Variants in FXR2 observed in about 807,000 individuals in gnomAD.
FXR2 encodes FMR1 autosomal homolog 2, also known as RNA-binding protein FXR2.
In FXR2, 9 loss-of-function variants were observed where a neutral mutation model predicts 87.3. That is an observed-to-expected ratio of 0.10 (90% CI 0.06 to 0.18). The LOEUF (loss-of-function observed/expected upper bound fraction) is 0.18. FXR2 is among the 10% of genes least tolerant of loss of function. FXR2 has a pLI of 1.00. For synonymous variants in FXR2, 331 were observed against 328.3 expected (o/e 1.01, Z -0.09); for missense variants, 661 against 893.6 (o/e 0.74, Z 3.32).
chr17:7,599,841 G>A (rs1017801570), intron 7 of FXR2, among the ~76,000 whole-genome samples: 8 of 152,092 alleles, frequency 5.3e-5, no homozygotes, highest in Non-Finnish European at 2.9e-5. Context: ...TAGCGCCACT[G>A]CGCTCTAGCC....
chr17:7,613,450 G>C lies in FXR2; in HGVS notation c.81+1002C>G, dbSNP rs556920450. Among the ~76,000 whole-genome samples the C allele has an allele frequency of 2.0e-5, 3 of 152,292 alleles. No individual in the cohort carries two copies. In the East Asian group the frequency reaches 5.8e-4, roughly 29 times the overall value. ...TGTCCTAGAAAATAGATTCAGAGCA[G>C]ATAAGGAAGGTGGTATTATAAGGAG... On this transcript the variant is annotated intron_variant, in intron 1 of 16. Coordinates refer to ENST00000250113, the MANE Select transcript of FXR2 (RefSeq NM_004860.4).
Position 7,594,017 on chromosome 17 carries a change from G to A in FXR2, c.1021-13C>T. 1 of 1,512,626 alleles carries A rather than the reference G, an allele frequency of 6.6e-7. No individual in the cohort carries two copies. The highest frequency in any genetic ancestry group is 9.2e-7 in the Non-Finnish European group (1 of 1,087,410). 93.7% of individuals were successfully genotyped at this position (1,512,626 alleles called of 1,614,324 possible). A position where few individuals can be genotyped will look rare whatever the true frequency, so the allele number is the denominator to read the frequency against. On this transcript the variant is annotated splice_polypyrimidine_tract_variant and intron_variant, in intron 10 of 16. Transcript: ENST00000250113. This position sits in a 1 kb window ranked among gnomAD's most constrained non-coding sequence, Gnocchi z 5.1. ...AGGGAACCATTCCCTAGAGAACAGA[G>A]AGCAGAAACGATGGATCAGAAAGGA...
chr17:7,592,512 C>T lies in FXR2; in HGVS notation c.1817G>A (p.Arg606His), dbSNP rs187810998. 7 of 1,613,536 alleles carry T rather than the reference C, an allele frequency of 4.3e-6. No homozygotes were observed. Among genetic ancestry groups the T allele is most frequent in the African/African-American group, 1.3e-5 (1 of 74,904 alleles). The change falls in exon 15 of 17, where the codon CGC (arginine) becomes CAC (histidine). Residue 606 changes from arginine (R) to histidine (H), a missense_variant. Arg to His is a conservative substitution (Grantham distance 29). Around this residue, in one of 3 missense-constraint regions of FXR2, gnomAD observed 409 missense variants for 432.0 expected, o/e 0.95. Coordinates refer to ENST00000250113, the MANE Select transcript of FXR2 (RefSeq NM_004860.4). This position sits in a 1 kb window ranked among gnomAD's most constrained non-coding sequence, Gnocchi z 4.8. ...NRTDGSISGD[R>H]QPVTVADYIS... Reference sequence around the variant, plus strand: ...GTCCAGAGTTGGCTGACCTGGCTGGCGGTCTCCACTGATAGAGCCATCAGT... The same window carrying T: ...GTCCAGAGTTGGCTGACCTGGCTGGTGGTCTCCACTGATAGAGCCATCAGT...
chr17:7,599,438 A>C (rs1055546332), intron 7 of FXR2, among the ~76,000 whole-genome samples: 2 of 152,242 alleles, frequency 1.3e-5, no homozygotes, highest in East Asian at 3.8e-4. Context: ...CAGGCACAGA[A>C]AAAAGCCTCC....
At position 7,593,571 on chromosome 17, in the gene FXR2, T is replaced by G; in HGVS notation, c.1162A>C (p.Ile388Leu). The G allele has an allele frequency of 6.3e-7, 1 of 1,598,152 alleles. No homozygotes were observed. Among genetic ancestry groups the G allele is most frequent in the South Asian group, 1.1e-5 (1 of 88,148 alleles). Residue 388 changes from isoleucine to leucine, a missense_variant, in exon 12 of 17, where the codon ATT (isoleucine) becomes CTT (leucine). Ile to Leu is a conservative substitution (Grantham distance 5). Around this residue, in one of 3 missense-constraint regions of FXR2, gnomAD observed 409 missense variants for 432.0 expected, o/e 0.95. Coordinates refer to ENST00000250113, the MANE Select transcript of FXR2 (RefSeq NM_004860.4). This position sits in a 1 kb window ranked among gnomAD's most constrained non-coding sequence, Gnocchi z 6.1. ...CCAGGAGGGCGAAAGCCCAGCCCAATCTGCCGAAGCTGCTCATCAATTTGT... is the reference window on the plus strand; with the variant it reads ...CCAGGAGGGCGAAAGCCCAGCCCAAGCTGCCGAAGCTGCTCATCAATTTGT... Reference protein sequence around the residue: ...RLQIDEQLRQIGLGFRPPGSG... With the variant: ...RLQIDEQLRQLGLGFRPPGSG...
intron 7 of FXR2, among the ~76,000 whole-genome samples, chr17:7,600,664 T>C (rs2071747619): frequency 6.6e-6 from 1 of 151,820 alleles, no homozygotes; most frequent in Admixed American, 6.6e-5. Flanking sequence ...GGCAGGTGGA[T>C]CATGAGGTCA....
At position 7,606,147 on chromosome 17, in the gene FXR2, G is replaced by A; in HGVS notation, c.84C>T (p.Gly28=). 1 of 1,540,128 alleles carries A rather than the reference G, an allele frequency of 6.5e-7. No homozygotes were observed. Residue 28 remains glycine, a splice_region_variant and synonymous_variant, in exon 2 of 17, where the codon GGC becomes GGT. Transcript: ENST00000250113. ...AGTCTTCATGGACATCCTTCACAAA[G>A]CCCTAGAATGGATTTTAGAAAAAAG... The part of the protein sequence containing the change: ...VRGSNGAFYK[G]FVKDVHEDSV...
At position 7,593,036 on chromosome 17, in the gene FXR2, G is replaced by C. The variant is rs747644712; in HGVS notation, c.1476C>G (p.Pro492=). The C allele has an allele frequency of 6.3e-7, 1 of 1,576,778 alleles. No homozygotes were observed. The highest frequency in any genetic ancestry group is 8.6e-7 in the Non-Finnish European group (1 of 1,164,784). Residue 492 remains proline, a synonymous_variant, in exon 13 of 17, where the codon CCC becomes CCG. Transcript: ENST00000250113. This position sits in a 1 kb window ranked among gnomAD's most constrained non-coding sequence, Gnocchi z 6.1. ...RRPTGGRGRG[P]PPAPRPTSRY... ...TCGAAGTGGGCCGGGGGGCAGGTGG[G>C]GGTCCCCTACCCCGGCCCCCAGTCG...
intron 7 of FXR2, among the ~76,000 whole-genome samples, chr17:7,600,214 T>C (rs927907809): frequency 3.3e-5 from 5 of 149,844 alleles, no homozygotes; most frequent in Non-Finnish European, 5.9e-5. Context: ...CTTTTTTTCT[T>C]TGAGACAGAG....
Position 7,612,996 on chromosome 17 carries a change from CAAAAAAAAAAA to C in FXR2, c.81+1445_81+1455del, listed in dbSNP as rs34323537. On this transcript the variant is annotated intron_variant, in intron 1 of 16. Transcript: ENST00000250113. ...TGGGCAACAGGGCGAGACTCCATCT[CAAAAAAAAAAA>C]AAAAAAAAAAAAAAATGACTACAAT... 1.6e-4 allele frequency among the ~76,000 whole-genome samples: 8 copies of C among 49,566 alleles called. No individual in the cohort carries two copies. The East Asian group carries it at 2.5e-3, about 15-fold the overall frequency. The allele number at this position is 49,566 out of a possible 152,430, so 32.5% of individuals were successfully genotyped here. A position where few individuals can be genotyped will look rare whatever the true frequency, so the allele number is the denominator to read the frequency against.
In FXR2 at chr17:7,609,955, C is replaced by CAT. The variant is rs57676268; in HGVS notation, c.82-3808_82-3807dup. On this transcript the variant is annotated intron_variant, in intron 1 of 16. Transcript: ENST00000250113. ...GTATATATATACATGTATATGTATA[C>CAT]ATATATATACATGTATATGTATACA... 3.6e-3 allele frequency among the ~76,000 whole-genome samples: 310 copies of CAT among 86,332 alleles called. 2 individuals are homozygous for CAT. The highest frequency in any genetic ancestry group is 0.013 in the East Asian group (30 of 2,248). The allele number at this position is 86,332 out of a possible 152,430, so 56.6% of individuals were successfully genotyped here. A position where few individuals can be genotyped will look rare whatever the true frequency, so the allele number is the denominator to read the frequency against.
Position 7,591,980 on chromosome 17 carries a change from C to A in FXR2, c.1927-55G>T. The A allele has an allele frequency of 8.0e-7, 1 of 1,253,744 alleles. No homozygotes were observed. The highest frequency in any genetic ancestry group is 1.3e-5 in the South Asian group (1 of 75,058). 77.7% of individuals were successfully genotyped at this position (1,253,744 alleles called of 1,614,324 possible). On this transcript the variant is annotated intron_variant, in intron 16 of 16. Transcript: ENST00000250113. This position sits in a 1 kb window ranked among gnomAD's most constrained non-coding sequence, Gnocchi z 4.0. ...AAGCAAGAAGCGGTGAGTAGAAATT[C>A]AGGTGGGAGACATTCCCTACCATCC...
chr17:7,605,770 C>G lies in FXR2; in HGVS notation c.135-32G>C, dbSNP rs367805219. ...TAGAAACAATAATATGAAAAAGCTA[C>G]TCTGACTGATATGGTTGCCCATTTC... On this transcript the variant is annotated intron_variant, in intron 2 of 16. Coordinates refer to ENST00000250113, the MANE Select transcript of FXR2 (RefSeq NM_004860.4). 16 of 1,196,730 alleles carry G rather than the reference C, an allele frequency of 1.3e-5. No homozygotes were observed. In the African/African-American group the frequency reaches 2.1e-4, roughly 16 times the overall value. The allele number at this position is 1,196,730 out of a possible 1,614,324, so 74.1% of individuals were successfully genotyped here.
intron 1 of FXR2, among the ~76,000 whole-genome samples, chr17:7,607,729 T>C (rs2071814856): frequency 6.6e-6 from 1 of 151,930 alleles, no homozygotes; most frequent in Non-Finnish European, 1.5e-5. Context: ...GCCCAGCCTA[T>C]GATCCATTTT....
At chr17:7,607,084 C>T (rs758960570) in intron 1 of FXR2, among the ~76,000 whole-genome samples, 3 of 152,218 alleles carry the variant, frequency 2.0e-5, no homozygotes, top group African/African-American at 4.8e-5. Flanking sequence ...TTTGGGAGGA[C>T]GAGGCAGGCA....
At chr17:7,608,616 CA>C (rs67401228) in intron 1 of FXR2, among the ~76,000 whole-genome samples, 78 of 134,136 alleles carry the variant, frequency 5.8e-4, no homozygotes, top group East Asian at 8.4e-4. Context: ...AACTCTGCCT[CA>C]AAAAAAAAAA....
At chr17:7,607,653 T>A (rs866085493) in intron 1 of FXR2, among the ~76,000 whole-genome samples, 12 of 152,202 alleles carry the variant, frequency 7.9e-5, no homozygotes, top group South Asian at 4.1e-4. Flanking sequence ...GGTCTCGAAC[T>A]CCTGACCTCA....
At chr17:7,614,406 G>T in intron 1 of FXR2, 46 bp downstream of exon 1, 1 of 1,375,942 alleles carries the variant, frequency 7.3e-7, no homozygotes, top group Non-Finnish European at 1.0e-6. Flanking sequence ...CTCCGGCCAG[G>T]GGAGGGGGCT....
chr17:7,607,719 G>A (rs1410719954), intron 1 of FXR2, among the ~76,000 whole-genome samples: 1 of 152,090 alleles, frequency 6.6e-6, no homozygotes, highest in African/African-American at 2.4e-5. Flanking sequence ...GAGCCACTGT[G>A]CCCAGCCTAT....
Sources: gnomAD v4.1 joint callset for allele counts (sites outside exome capture counted in the v4.1 genomes callset) on GRCh38, gnomAD v4.1.1 for gene constraint, gnomAD v4.1.1 regional missense constraint, Gnocchi (gnomAD v3.1) non-coding constraint, MANE v1.5 for transcripts, NCBI Gene and HGNC (gene_info 2026-07-23, HGNC 2026-07-21) for gene names.